TET3: variants seen among roughly 807,000 people sequenced by gnomAD.
The protein encoded by TET3 is methylcytosine dioxygenase TET3.
Under a neutral mutation model 141.4 loss-of-function variants are expected in TET3, and 19 were observed. The ratio of observed to expected loss-of-function variants is 0.13; its 90% CI spans 0.09 to 0.20. TET3 has a LOEUF of 0.20. TET3 is among the 10% of genes least tolerant of loss of function. TET3 has a pLI of 1.00. For missense variants in TET3, 1,874 were observed against 2,356.9 expected (o/e 0.80, Z 4.24); for synonymous variants, 1,043 against 980.9 (o/e 1.06, Z -1.18).
chr2:74,044,604 T>A (rs1265162736), intron 3 of TET3, among the ~76,000 whole-genome samples: 1 of 152,248 alleles, frequency 6.6e-6, no homozygotes, highest in African/African-American at 2.4e-5. Context: ...CTCAGTCGTT[T>A]ACCTTGGTGA....
chr2:74,090,083 C>T (rs372123820), intron 8 of TET3, 36 bp downstream of exon 8: 1 of 1,607,466 alleles, frequency 6.2e-7, no homozygotes, highest in South Asian at 1.1e-5. Context: ...GCCTCCCATC[C>T]TTTCTCGCCT....
intron 2 of TET3, among the ~76,000 whole-genome samples, chr2:74,001,520 T>C (rs1573654170): frequency 6.6e-6 from 1 of 152,032 alleles, no homozygotes; most frequent in Non-Finnish European, 1.5e-5. Flanking sequence ...CTACGAGAGG[T>C]AAGTTACAAC....
At chr2:74,064,721 T>C (rs545764269) in intron 4 of TET3, among the ~76,000 whole-genome samples, 2 of 152,248 alleles carry the variant, frequency 1.3e-5, no homozygotes, top group East Asian at 1.9e-4. Context: ...TCAATAAATA[T>C]ACTGGAACGC....
At chr2:74,000,376 C>A (rs574739389) in intron 2 of TET3, among the ~76,000 whole-genome samples, 1 of 152,202 alleles carries the variant, frequency 6.6e-6, no homozygotes, top group Admixed American at 6.5e-5. Context: ...AAATAAATAA[C>A]TGCACTTTAT....
At chr2:74,125,181 C>T in the TET3 span, among the ~76,000 whole-genome samples, 1 of 151,972 alleles carries the variant, frequency 6.6e-6, no homozygotes. Flanking sequence ...AGGGTTTCAC[C>T]ATGTTGGCCA....
chr2:74,073,421 T>A (rs956735889), intron 4 of TET3, 128 bp from the exon 5 acceptor site: 3 of 584,120 alleles, frequency 5.1e-6, no homozygotes, highest in Non-Finnish European at 8.9e-6. Context: ...CCTTTTCACA[T>A]GTTCATAAGC....
intron 4 of TET3, among the ~76,000 whole-genome samples, chr2:74,053,027 T>C (rs1487355550): frequency 6.6e-6 from 1 of 152,178 alleles, no homozygotes; most frequent in Non-Finnish European, 1.5e-5. Flanking sequence ...ATGGGACTCA[T>C]ATGGATTTTT....
At chr2:74,116,214 TG>T in the TET3 span, among the ~76,000 whole-genome samples, 1 of 152,098 alleles carries the variant, frequency 6.6e-6, no homozygotes, top group Non-Finnish European at 1.5e-5. Flanking sequence ...AAATAAATGC[TG>T]GTGAGGATGC....
chr2:74,064,992 G>A (rs552164529), intron 4 of TET3, among the ~76,000 whole-genome samples: 1 of 152,232 alleles, frequency 6.6e-6, no homozygotes, highest in African/African-American at 2.4e-5. Flanking sequence ...TTGTTCAAGA[G>A]TCAACTGTAT....
the TET3 span, among the ~76,000 whole-genome samples, chr2:74,131,668 T>C: frequency 1.3e-5 from 2 of 152,200 alleles, no homozygotes; most frequent in Non-Finnish European, 2.9e-5. Context: ...CAGGGAACTT[T>C]GGGTTTTCCA....
the TET3 span, among the ~76,000 whole-genome samples, chr2:74,129,743 TC>T: frequency 6.6e-6 from 1 of 152,306 alleles, no homozygotes; most frequent in Non-Finnish European, 1.5e-5. Flanking sequence ...TTTTATATCT[TC>T]CAGAGAGAGG....
At chr2:74,043,508 G>T (rs985337572) in intron 3 of TET3, among the ~76,000 whole-genome samples, 3 of 152,184 alleles carry the variant, frequency 2.0e-5, no homozygotes, top group Non-Finnish European at 4.4e-5. Flanking sequence ...TAATGAAGGT[G>T]CCCTGGGAAT....
intron 10 of TET3, among the ~76,000 whole-genome samples, chr2:74,095,837 A>G (rs945492348): frequency 3.3e-5 from 5 of 152,244 alleles, no homozygotes; most frequent in Non-Finnish European, 5.9e-5. Flanking sequence ...GTGGCGCAGT[A>G]ACCTGCTTGA....
chr2:73,985,620 CTT>C lies in TET3; in HGVS notation c.-424-358_-424-357del, dbSNP rs1394693611. Among the ~76,000 whole-genome samples the C allele has an allele frequency of 3.3e-5, 5 of 150,114 alleles. No homozygotes were observed. In the South Asian group the frequency reaches 8.3e-4, roughly 25 times the overall value. ...CCCGCCGAGCGAGGCTCTCAGCAAA[CTT>C]TATTTTGAAAGCTCAGCTCCCTAGG... On this transcript the variant is annotated intron_variant, in intron 1 of 11. Transcript: ENST00000409262.
rs1685469402 is a variant in TET3, at chr2:74,012,168, C to G, written c.360+9002C>G. On this transcript the variant is annotated intron_variant, in intron 3 of 11. Transcript: ENST00000409262. ...TAGAGACAGGGTTTTACCATGTTGC[C>G]CAGGCTGGTCTCAAACTCCTGAGCT... Among the ~76,000 whole-genome samples the G allele has an allele frequency of 2.0e-5, 3 of 152,202 alleles. No homozygotes were observed. The South Asian group carries it at 6.2e-4, about 32-fold the overall frequency.
At chr2:74,055,276 T>TC (rs1168358853) in intron 4 of TET3, among the ~76,000 whole-genome samples, 1 of 152,182 alleles carries the variant, frequency 6.6e-6, no homozygotes, top group South Asian at 2.1e-4. Context: ...GGTCAACTGG[T>TC]CAGCCTTATT....
intron 3 of TET3, among the ~76,000 whole-genome samples, chr2:74,006,875 C>T (rs1392798656): frequency 6.6e-6 from 1 of 152,150 alleles, no homozygotes; most frequent in Non-Finnish European, 1.5e-5. Context: ...GAAGGAGATA[C>T]ATTAGGAAGC....
In TET3 at chr2:74,106,277, T is replaced by C. The variant is rs1691501332; in HGVS notation, c.*4101T>C. 6.6e-6 allele frequency: 1 copy of C among 152,186 alleles called. No individual in the cohort carries two copies. Among genetic ancestry groups the C allele is most frequent in the Admixed American group, 6.5e-5 (1 of 15,280 alleles). The allele number at this position is 152,186 out of a possible 1,614,324, so 9.4% of individuals were successfully genotyped here. Reference sequence around the variant, plus strand: ...GGGCCTGCCTGGCTTGGCAGGTGCTTTTTGGTTCCACACCTGTCTTCTCAG... The same window carrying C: ...GGGCCTGCCTGGCTTGGCAGGTGCTCTTTGGTTCCACACCTGTCTTCTCAG... On this transcript the variant is annotated 3_prime_UTR_variant, in exon 12 of 12. Coordinates refer to ENST00000409262, the MANE Select transcript of TET3 (RefSeq NM_001287491.2).
intron 3 of TET3, among the ~76,000 whole-genome samples, chr2:74,008,228 T>C (rs1433911208): frequency 6.6e-6 from 1 of 152,162 alleles, no homozygotes; most frequent in African/African-American, 2.4e-5. Context: ...GATCTTTTTG[T>C]CCCATAAGTT....
Sources: gnomAD v4.1 joint callset for allele counts (sites outside exome capture counted in the v4.1 genomes callset) on GRCh38, gnomAD v4.1.1 for gene constraint, MANE v1.5 for transcripts, NCBI Gene and HGNC (gene_info 2026-07-23, HGNC 2026-07-21) for gene names.